The following ATP1A4 variants were observed in gnomAD, a reference collection of about 807,000 sequenced individuals.
ATP1A4 encodes sodium/potassium-transporting ATPase subunit alpha-4.
A neutral mutation model predicts 114.3 loss-of-function variants in ATP1A4; 90 were observed. The observed-to-expected ratio is 0.79, with a 90% CI of 0.66 to 0.94. The LOEUF (loss-of-function observed/expected upper bound fraction) is 0.94, where lower values mean the gene tolerates loss of function less well. ATP1A4 is among the 40% of genes least tolerant of loss of function. The pLI, the probability that ATP1A4 is intolerant of heterozygous loss-of-function variation, is 0.00. For missense variants in ATP1A4, 1,222 were observed against 1,313.6 expected (o/e 0.93, Z 1.08); for synonymous variants, 511 against 494.1 (o/e 1.03, Z -0.45).
intron 12 of ATP1A4, 108 bp downstream of exon 12, chr1:160,171,865 A>T: frequency 8.7e-7 from 1 of 1,143,944 alleles, no homozygotes; most frequent in Non-Finnish European, 1.2e-6. Flanking sequence ...AATTGAGCGG[A>T]TTTCTGTTTC....
In ATP1A4 at chr1:160,174,692, C is replaced by T. The variant is rs143588285; in HGVS notation, c.2256C>T (p.Ala752=). The change falls in exon 15 of 22, where the codon GCC becomes GCT. Residue 752 remains alanine (A), a synonymous_variant. Coordinates refer to ENST00000368081, the MANE Select transcript of ATP1A4 (RefSeq NM_144699.4). ...ISGSDVSKQA[A]DMILLDDNFA... is the part of the protein sequence containing the mutation. ...GCTCTGACGTCTCTAAGCAGGCAGC[C>T]GACATGATCCTGCTGGATGACAACT... 10 of 1,614,034 alleles carry T rather than the reference C, an allele frequency of 6.2e-6. No individual in the cohort carries two copies. Among genetic ancestry groups the T allele is most frequent in the Middle Eastern group, 1.6e-4 (1 of 6,084 alleles).
chr1:160,172,556 A>G lies in ATP1A4; in HGVS notation c.1854+799A>G, dbSNP rs545629409. On this transcript the variant is annotated intron_variant, in intron 12 of 21. Transcript: ENST00000368081. ...GGGATGGCAGCAGTAGAATTCTTCA[A>G]ATTCTGAGGTGTTCTGTGTCCCATG... is the stretch of plus-strand genomic sequence containing the variant. Among the ~76,000 whole-genome samples, 7 of 152,234 alleles carry G rather than the reference A, an allele frequency of 4.6e-5. No individual in the cohort carries two copies. The South Asian group carries it at 1.2e-3, about 27-fold the overall frequency.
chr1:160,179,671 A>T (rs1653610880), intron 18 of ATP1A4, among the ~76,000 whole-genome samples: 3 of 152,212 alleles, frequency 2.0e-5, no homozygotes, highest in Admixed American at 1.3e-4. Flanking sequence ...TCATTTGTTC[A>T]TTCAGACAAT....
intron 12 of ATP1A4, among the ~76,000 whole-genome samples, chr1:160,171,972 G>A (rs919560869): frequency 7.9e-5 from 12 of 152,100 alleles, no homozygotes; most frequent in Admixed American, 3.9e-4. Context: ...TTTAAAAATC[G>A]GATGTCTAGG....
At chr1:160,165,753 A>G (rs1653007579) in intron 7 of ATP1A4, among the ~76,000 whole-genome samples, 1 of 152,214 alleles carries the variant, frequency 6.6e-6, no homozygotes, top group African/African-American at 2.4e-5. Context: ...GAGAAAAAAA[A>G]AGAACTATTG....
intron 4 of ATP1A4, 111 bp from the exon 5 acceptor site, chr1:160,158,891 G>T: frequency 4.2e-6 from 5 of 1,199,912 alleles, no homozygotes; most frequent in South Asian, 1.6e-5. Flanking sequence ...GTGGGTGACA[G>T]TAAGAAAGGG....
chr1:160,171,957 G>A (rs1653280500), intron 12 of ATP1A4, among the ~76,000 whole-genome samples, 200 bp downstream of exon 12: 1 of 152,156 alleles, frequency 6.6e-6, no homozygotes, highest in African/African-American at 2.4e-5. Context: ...AATCACCAGG[G>A]AGGCTTTAAA....
At chr1:160,180,473 C>T (rs115408979) in intron 18 of ATP1A4, among the ~76,000 whole-genome samples, 3,356 of 152,290 alleles carry the variant, frequency 0.022, 47 homozygotes, top group Non-Finnish European at 0.036. Context: ...GTCTCTCTCT[C>T]ATAACCTGTC....
chr1:160,181,638 C>G (rs1653708375), intron 18 of ATP1A4, 46 bp from the exon 19 acceptor site: 1 of 1,609,440 alleles, frequency 6.2e-7, no homozygotes, highest in Admixed American at 1.7e-5. Context: ...TTAGGGTGTA[C>G]AGAATCCCCT....
chr1:160,158,064 G>T (rs1164691179), intron 4 of ATP1A4, among the ~76,000 whole-genome samples: 1 of 152,126 alleles, frequency 6.6e-6, no homozygotes, highest in African/African-American at 2.4e-5. Context: ...AAGTGTTTGG[G>T]CAGTTTTGGA....
At chr1:160,165,843 C>T (rs1192494555) in intron 7 of ATP1A4, among the ~76,000 whole-genome samples, 2 of 152,266 alleles carry the variant, frequency 1.3e-5, no homozygotes, top group African/African-American at 2.4e-5. Context: ...AAAGATTGGA[C>T]TTAAAGAGGT....
At chr1:160,186,418 C>A (rs1158216064) in intron 21 of ATP1A4, 51 bp downstream of exon 21, 3 of 1,390,490 alleles carry the variant, frequency 2.2e-6, no homozygotes, top group Non-Finnish European at 3.0e-6. Flanking sequence ...AGCCCCCTCA[C>A]TAGCTCTCCC....
At position 160,171,857 on chromosome 1, in the gene ATP1A4, T is replaced by C. The variant is rs968063910; in HGVS notation, c.1854+100T>C. On this transcript the variant is annotated intron_variant, in intron 12 of 21. Coordinates refer to ENST00000368081, the MANE Select transcript of ATP1A4 (RefSeq NM_144699.4). The stretch of plus-strand genomic sequence containing the variant: ...TAGATGCTTAATACCCTTAGTTTAA[T>C]TGAGCGGATTTCTGTTTCCTTGGGC... The C allele has an allele frequency of 2.4e-5, 29 of 1,207,824 alleles. No homozygotes were observed. In the South Asian group the frequency reaches 3.2e-4, roughly 13 times the overall value. 74.8% of individuals were successfully genotyped at this position (1,207,824 alleles called of 1,614,324 possible).
At chr1:160,186,070 GAAC>G (rs1385898467) in intron 20 of ATP1A4, among the ~76,000 whole-genome samples, 2 of 76,080 alleles carry the variant, frequency 2.6e-5, no homozygotes, top group Admixed American at 4.4e-4. Context: ...CTGGGCAACA[GAAC>G]AAGACTCTGT....
In ATP1A4 at chr1:160,174,361, A is replaced by G; in HGVS notation, c.2142+100A>G. 2.6e-6 allele frequency: 4 copies of G among 1,519,790 alleles called. 1 individual carries two copies. The South Asian group carries it at 5.1e-5, about 19-fold the overall frequency. The allele number at this position is 1,519,790 out of a possible 1,614,324, so 94.1% of individuals were successfully genotyped here. On this transcript the variant is annotated intron_variant, in intron 14 of 21. Coordinates refer to ENST00000368081, the MANE Select transcript of ATP1A4 (RefSeq NM_144699.4). Reference sequence around the variant, plus strand: ...GAACATGTGGGCTGGGCTAGAGGAGACTCCAGAGAGTACCCCATCTGGAAC... The same window carrying G: ...GAACATGTGGGCTGGGCTAGAGGAGGCTCCAGAGAGTACCCCATCTGGAAC...
chr1:160,153,755 A>T (rs1445450221), intron 2 of ATP1A4, among the ~76,000 whole-genome samples: 1 of 152,218 alleles, frequency 6.6e-6, no homozygotes, highest in Non-Finnish European at 1.5e-5. Context: ...TGGATTCTCA[A>T]ATATTTTCTG....
chr1:160,152,920 G>A lies in ATP1A4; in HGVS notation c.148-245G>A, dbSNP rs931776691. Among the ~76,000 whole-genome samples, 5 of 152,136 alleles carry A rather than the reference G, an allele frequency of 3.3e-5. No homozygotes were observed. In the East Asian group the frequency reaches 7.7e-4, roughly 23 times the overall value. On this transcript the variant is annotated intron_variant, in intron 1 of 21. Coordinates refer to ENST00000368081, the MANE Select transcript of ATP1A4 (RefSeq NM_144699.4). The stretch of plus-strand genomic sequence containing the variant: ...CTGGTGATGGGCCCCTGTAATCCCA[G>A]CTGCTTGGGAGGCTGAGGCAGGAGA...
Position 160,156,051 on chromosome 1 carries a change from C to A in ATP1A4, c.418C>A (p.Leu140Met). 6.2e-7 allele frequency: 1 copy of A among 1,609,574 alleles called. No homozygotes were observed. The highest frequency in any genetic ancestry group is 8.5e-7 in the Non-Finnish European group (1 of 1,175,860). Residue 140 changes from leucine to methionine, a missense_variant, in exon 4 of 22, where the codon CTG becomes ATG. Physicochemically the swap from Leu to Met is conservative, Grantham distance 15. Coordinates refer to ENST00000368081, the MANE Select transcript of ATP1A4 (RefSeq NM_144699.4). Reference sequence around the variant, plus strand: ...TTTCTTTCCCCACCCTCAGCTCTACCTGAGCATCGTACTGTCCGTCGTGGT... The same window carrying A: ...TTTCTTTCCCCACCCTCAGCTCTACATGAGCATCGTACTGTCCGTCGTGGT... ...NEEPTKDNLY[L>M]SIVLSVVVIV...
In ATP1A4 at chr1:160,160,588, G is replaced by A. The variant is rs562804298; in HGVS notation, c.778+1062G>A. On this transcript the variant is annotated intron_variant, in intron 6 of 21. Transcript: ENST00000368081. Reference sequence around the variant, plus strand: ...AATATTATCTCTAATTCCCACATGCGCACAATACCAGATATTATCCCTATT... The same window carrying A: ...AATATTATCTCTAATTCCCACATGCACACAATACCAGATATTATCCCTATT... Among the ~76,000 whole-genome samples, 8 of 152,080 alleles carry A rather than the reference G, an allele frequency of 5.3e-5. 1 individual carries two copies. The highest frequency in any genetic ancestry group is 3.9e-4 in the East Asian group (2 of 5,192).
Sources: gnomAD v4.1 joint callset for allele counts (sites outside exome capture counted in the v4.1 genomes callset) on GRCh38, gnomAD v4.1.1 for gene constraint, MANE v1.5 for transcripts, NCBI Gene and HGNC (gene_info 2026-07-23, HGNC 2026-07-21) for gene names.